Variants in GULP1 observed in about 807,000 individuals in gnomAD.
The protein encoded by GULP1 is GULP PTB domain containing engulfment adaptor 1.
A neutral mutation model predicts 40.9 loss-of-function variants in GULP1; 19 were observed. The observed-to-expected ratio is 0.46, with a 90% CI of 0.32 to 0.68. The LOEUF is 0.68. Ranked by LOEUF, GULP1 falls within the 30% of genes least tolerant of loss-of-function variation. The pLI, the probability that GULP1 is intolerant of heterozygous loss-of-function variation, is 0.03. For synonymous variants in GULP1, 119 were observed against 117.6 expected (o/e 1.01, Z -0.08); for missense variants, 312 against 362.2 (o/e 0.86, Z 1.12).
At chr2:188,429,775 C>G (rs902768360) in intron 2 of GULP1, among the ~76,000 whole-genome samples, 1 of 151,766 alleles carries the variant, frequency 6.6e-6, no homozygotes, top group Non-Finnish European at 1.5e-5. Context: ...GTGGCGCGAT[C>G]TCTGCTCATT....
intron 7 of GULP1, among the ~76,000 whole-genome samples, chr2:188,553,365 G>C (rs1422892009): frequency 1.3e-5 from 2 of 151,864 alleles, no homozygotes; most frequent in Non-Finnish European, 2.9e-5. Context: ...TTGAGAGATT[G>C]TTATCATGAA....
chr2:188,356,734 A>T (rs2045372975), intron 1 of GULP1, among the ~76,000 whole-genome samples: 1 of 152,118 alleles, frequency 6.6e-6, no homozygotes, highest in South Asian at 2.1e-4. Flanking sequence ...AGCTAAAACA[A>T]TCCTAAGCAA....
chr2:188,475,048 A>G (rs1173940266), intron 2 of GULP1, among the ~76,000 whole-genome samples: 1 of 152,214 alleles, frequency 6.6e-6, no homozygotes, highest in Non-Finnish European at 1.5e-5. Context: ...CATAAAATAA[A>G]TAGTACATTG....
intron 2 of GULP1, among the ~76,000 whole-genome samples, chr2:188,470,753 T>C (rs550889035): frequency 6.6e-6 from 1 of 152,324 alleles, no homozygotes; most frequent in East Asian, 1.9e-4. Context: ...TTTCTAGTTT[T>C]ATTCAGTTTT....
At chr2:188,516,981 C>T (rs1003217704) in intron 4 of GULP1, among the ~76,000 whole-genome samples, 5 of 152,158 alleles carry the variant, frequency 3.3e-5, no homozygotes, top group Middle Eastern at 3.2e-3. Flanking sequence ...CAGACACAGT[C>T]ACATACTCTG....
chr2:188,404,998 A>G (rs1483396981), intron 2 of GULP1, among the ~76,000 whole-genome samples: 8 of 152,034 alleles, frequency 5.3e-5, no homozygotes, highest in Non-Finnish European at 1.2e-4. Flanking sequence ...TTGTGGTTGC[A>G]TATCCCAGCA....
rs2057487076 is a variant in GULP1 at position 188,437,194 on chromosome 2, T to C, written c.-44-40465T>C. Among the ~76,000 whole-genome samples, 2 of 152,136 alleles carry C rather than the reference T, an allele frequency of 1.3e-5. 1 individual carries two copies. The highest frequency in any genetic ancestry group is 2.9e-5 in the Non-Finnish European group (2 of 67,974). The stretch of plus-strand genomic sequence containing the variant: ...TCTTTCATAGAAATGTTAACACTTA[T>C]GCTTTCCAGGTTACATTTTGTGTCC... On this transcript the variant is annotated intron_variant, in intron 2 of 11. Transcript: ENST00000409830.
At chr2:188,297,584 A>G (rs578130779) in intron 1 of GULP1, 12 of 428,746 alleles carry the variant, frequency 2.8e-5, no homozygotes, top group African/African-American at 2.4e-4. Context: ...TCCTGGGGGA[A>G]CCATGGATGG....
intron 1 of GULP1, among the ~76,000 whole-genome samples, chr2:188,359,539 A>T (rs747049748): frequency 1.3e-5 from 2 of 152,184 alleles, no homozygotes; most frequent in Admixed American, 6.5e-5. Context: ...CTCCTATAAC[A>T]TACAAAATGA....
intron 1 of GULP1, among the ~76,000 whole-genome samples, chr2:188,348,720 C>T (rs1455801046): frequency 2.0e-5 from 3 of 152,140 alleles, no homozygotes; most frequent in African/African-American, 7.2e-5. Flanking sequence ...ACACTCATCA[C>T]CCAGCTTCTC....
rs538969119 is a variant in GULP1, at chr2:188,374,579, A to C, written c.-171-9184A>C. Among the ~76,000 whole-genome samples, 33 of 152,246 alleles carry C rather than the reference A, an allele frequency of 2.2e-4. No homozygotes were observed. The South Asian group carries it at 4.6e-3, about 21-fold the overall frequency. ...CTCCAGTTCGTTAATTCAAGTTGAAAGGGATTGTTTCTTTGTAGTTTTTTA... is the reference window on the plus strand; with the variant it reads ...CTCCAGTTCGTTAATTCAAGTTGAACGGGATTGTTTCTTTGTAGTTTTTTA... On this transcript the variant is annotated intron_variant, in intron 1 of 11. Coordinates refer to ENST00000409830, the MANE Select transcript of GULP1 (RefSeq NM_016315.4).
At chr2:188,518,677 C>T (rs893943182) in intron 4 of GULP1, among the ~76,000 whole-genome samples, 1 of 152,094 alleles carries the variant, frequency 6.6e-6, no homozygotes, top group Non-Finnish European at 1.5e-5. Context: ...TAAAGTGGAT[C>T]CCAGGAGAAC....
chr2:188,316,210 G>A (rs892094884), intron 1 of GULP1, among the ~76,000 whole-genome samples: 1 of 152,062 alleles, frequency 6.6e-6, no homozygotes, highest in Admixed American at 6.6e-5. Context: ...TTCTGTTTTT[G>A]TAAAGGCAGA....
intron 11 of GULP1, chr2:188,588,161 A>C (rs1702797496): frequency 3.6e-6 from 2 of 561,930 alleles, no homozygotes; most frequent in African/African-American, 3.8e-5. Context: ...TAAATGGTTC[A>C]ATTTATAATG....
chr2:188,578,931 A>G (rs1006434662), intron 9 of GULP1, among the ~76,000 whole-genome samples: 1 of 152,282 alleles, frequency 6.6e-6, no homozygotes, highest in African/African-American at 2.4e-5. Context: ...GCCAAAAAAA[A>G]GACTGGTTCC....
chr2:188,354,612 G>A (rs753355616), intron 1 of GULP1, among the ~76,000 whole-genome samples: 8 of 152,272 alleles, frequency 5.3e-5, no homozygotes, highest in Non-Finnish European at 7.4e-5. Context: ...CACTAGTGTG[G>A]CTACTTGCAG....
intron 1 of GULP1, among the ~76,000 whole-genome samples, chr2:188,325,124 C>G (rs967312200): frequency 2.0e-5 from 3 of 151,826 alleles, no homozygotes; most frequent in Non-Finnish European, 2.9e-5. Context: ...TACTGCATAC[C>G]GAAACATTTA....
chr2:188,442,094 A>G (rs2057988958), intron 2 of GULP1, among the ~76,000 whole-genome samples: 1 of 152,254 alleles, frequency 6.6e-6, no homozygotes, highest in Admixed American at 6.5e-5. Context: ...AGGTTAAATT[A>G]TTTGTGTGAA....
At chr2:188,352,538 C>T (rs2044597494) in intron 1 of GULP1, among the ~76,000 whole-genome samples, 1 of 151,542 alleles carries the variant, frequency 6.6e-6, no homozygotes, top group Non-Finnish European at 1.5e-5. Flanking sequence ...CCCATTTGCC[C>T]ATTCCTTAAA....
Sources: gnomAD v4.1 joint callset for allele counts (sites outside exome capture counted in the v4.1 genomes callset) on GRCh38, gnomAD v4.1.1 for gene constraint, MANE v1.5 for transcripts, NCBI Gene and HGNC (gene_info 2026-07-23, HGNC 2026-07-21) for gene names.